The following RAPGEF2 variants were observed in gnomAD, a reference collection of about 807,000 sequenced individuals.
RAPGEF2 encodes the protein PDZ domain containing guanine nucleotide exchange factor (GEF) 1.
Under a neutral mutation model 186.7 loss-of-function variants are expected in RAPGEF2, and 54 were observed. The observed-to-expected ratio is 0.29, with a 90% CI of 0.23 to 0.36. RAPGEF2 has a LOEUF of 0.36. Ranked by LOEUF, RAPGEF2 falls within the 10% of genes least tolerant of loss-of-function variation. The pLI is 1.00. For missense variants in RAPGEF2, 1,532 were observed against 2,045.0 expected, an observed-to-expected ratio of 0.75 and a Z score of 4.84; for synonymous variants, 712 against 705.9, an observed-to-expected ratio of 1.01 and a Z score of -0.14.
At chr4:159,191,417 G>GA (rs1490883816) in intron 2 of RAPGEF2, among the ~76,000 whole-genome samples, 9 of 151,980 alleles carry the variant, frequency 5.9e-5, no homozygotes, top group South Asian at 2.1e-4. Flanking sequence ...GAGGAGTGGG[G>GA]AAAGGGGTGA....
At chr4:159,281,013 G>T (rs1182434986) in intron 7 of RAPGEF2, among the ~76,000 whole-genome samples, 2 of 149,866 alleles carry the variant, frequency 1.3e-5, no homozygotes, top group Non-Finnish European at 1.5e-5. Flanking sequence ...CTGAGACGGA[G>T]TCTCGGTCTG....
intron 26 of RAPGEF2, chr4:159,351,311 T>G: frequency 2.8e-6 from 3 of 1,053,856 alleles, no homozygotes; most frequent in Middle Eastern, 3.1e-4. Flanking sequence ...ACTTTTTTTT[T>G]TTTAAGCAGA....
intron 7 of RAPGEF2, among the ~76,000 whole-genome samples, chr4:159,250,695 GTC>G (rs1755219789): frequency 7.3e-6 from 1 of 137,482 alleles, no homozygotes; most frequent in South Asian, 2.2e-4. Flanking sequence ...TTGGGACAGG[GTC>G]TCTTGCTCTG....
chr4:159,173,733 C>A (rs958283683), intron 1 of RAPGEF2, among the ~76,000 whole-genome samples: 2 of 152,046 alleles, frequency 1.3e-5, no homozygotes, highest in Non-Finnish European at 2.9e-5. Flanking sequence ...TGCCTCTGTT[C>A]TCTGTGTGTA....
intron 1 of RAPGEF2, among the ~76,000 whole-genome samples, chr4:159,121,627 C>T (rs2111096853): frequency 6.6e-6 from 1 of 151,928 alleles, no homozygotes; most frequent in South Asian, 2.1e-4. Flanking sequence ...CCTTGGCCTC[C>T]CAAAGTGTTG....
chr4:159,155,769 CT>C (rs369222826), intron 1 of RAPGEF2, among the ~76,000 whole-genome samples: 19,673 of 143,956 alleles, frequency 0.14, 2,504 homozygotes, highest in African/African-American at 0.34. Context: ...ACAATGCACT[CT>C]TTTTTTTTTT....
chr4:159,180,035 G>A lies in RAPGEF2; in HGVS notation c.70-6607G>A, dbSNP rs572849514. 1.4e-4 allele frequency among the ~76,000 whole-genome samples: 22 copies of A among 152,288 alleles called. No individual in the cohort carries two copies. The East Asian group carries it at 3.7e-3, about 25-fold the overall frequency. On this transcript the variant is annotated intron_variant, in intron 1 of 29. Coordinates refer to ENST00000691494, the MANE Select transcript of RAPGEF2 (RefSeq NM_001394067.2). ...AATGTGAGGTCTCGACACCTGGTGA[G>A]AAGGTAGAAAAAATTGATAGGAAGA...
At chr4:159,253,030 G>C (rs907386777) in intron 7 of RAPGEF2, among the ~76,000 whole-genome samples, 2 of 152,272 alleles carry the variant, frequency 1.3e-5, no homozygotes, top group African/African-American at 4.8e-5. Flanking sequence ...TGGTCTAATA[G>C]ACAGTTGGGT....
chr4:159,254,200 G>T (rs1318624367), intron 7 of RAPGEF2, among the ~76,000 whole-genome samples: 1 of 152,190 alleles, frequency 6.6e-6, no homozygotes, highest in Admixed American at 6.5e-5. Flanking sequence ...TGGTGGTAAA[G>T]AATACAAGGA....
At chr4:159,253,569 C>T (rs1179738208) in intron 7 of RAPGEF2, among the ~76,000 whole-genome samples, 1 of 152,054 alleles carries the variant, frequency 6.6e-6, no homozygotes, top group Non-Finnish European at 1.5e-5. Flanking sequence ...ATCTGTTTTT[C>T]TTCAAATGAC....
chr4:159,267,049 G>C, intron 7 of RAPGEF2: 1 of 629,114 alleles, frequency 1.6e-6, no homozygotes, highest in Non-Finnish European at 2.3e-6. Flanking sequence ...TAAGGAATGT[G>C]TGTACCATTT....
At chr4:159,276,447 A>T (rs1020943637) in intron 7 of RAPGEF2, among the ~76,000 whole-genome samples, 1 of 152,214 alleles carries the variant, frequency 6.6e-6, no homozygotes, top group Non-Finnish European at 1.5e-5. Flanking sequence ...CATTTACCTA[A>T]ATATAAAAAT....
intron 7 of RAPGEF2, among the ~76,000 whole-genome samples, chr4:159,253,148 G>A (rs1755669313): frequency 6.6e-6 from 1 of 152,188 alleles, no homozygotes; most frequent in African/African-American, 2.4e-5. Flanking sequence ...AAAGGGAAGA[G>A]TATTTTAACA....
At position 159,356,794 on chromosome 4, in the gene RAPGEF2, G is replaced by A. The variant is rs537646961; in HGVS notation, c.4957+636G>A. 1.5e-3 allele frequency among the ~76,000 whole-genome samples: 226 copies of A among 152,194 alleles called. 1 individual carries two copies. The highest frequency in any genetic ancestry group is 5.2e-3 in the African/African-American group (216 of 41,516). On this transcript the variant is annotated intron_variant, in intron 29 of 29. Transcript: ENST00000691494. ...CAGGCACCTGTAATCCCAGCTGCTCGGGAGGCTGAGGCAGGAGAACCACTT... is the reference window on the plus strand; with the variant it reads ...CAGGCACCTGTAATCCCAGCTGCTCAGGAGGCTGAGGCAGGAGAACCACTT...
chr4:159,130,898 C>T (rs907686599), intron 1 of RAPGEF2, among the ~76,000 whole-genome samples: 10 of 151,938 alleles, frequency 6.6e-5, no homozygotes, highest in African/African-American at 2.4e-4. Flanking sequence ...TTTGTAGAGA[C>T]GGGGTTTCAC....
At chr4:159,202,653 G>A (rs1232800538) in intron 3 of RAPGEF2, among the ~76,000 whole-genome samples, 2 of 152,156 alleles carry the variant, frequency 1.3e-5, no homozygotes, top group Non-Finnish European at 2.9e-5. Flanking sequence ...CCAGGCTGGA[G>A]TGCAGTGGCA....
intron 26 of RAPGEF2, chr4:159,350,910 G>A: frequency 1.0e-6 from 1 of 956,222 alleles, no homozygotes; most frequent in Non-Finnish European, 1.5e-6. Flanking sequence ...AAGCCAAAAG[G>A]GCTTAATACA....
chr4:159,315,310 T>A (rs28661448), intron 9 of RAPGEF2, among the ~76,000 whole-genome samples: 44,003 of 151,060 alleles, frequency 0.29, 8,341 homozygotes, highest in African/African-American at 0.54. Context: ...TTTTTTTTTT[T>A]AATTTTTATT....
chr4:159,325,531 T>C (rs1483630511), intron 11 of RAPGEF2, among the ~76,000 whole-genome samples: 4 of 152,214 alleles, frequency 2.6e-5, no homozygotes, highest in Admixed American at 1.3e-4. Context: ...CCCTGAACCC[T>C]TCTACATAGT....
Sources: gnomAD v4.1 joint callset for allele counts (sites outside exome capture counted in the v4.1 genomes callset) on GRCh38, gnomAD v4.1.1 for gene constraint, MANE v1.5 for transcripts, NCBI Gene and HGNC (gene_info 2026-07-23, HGNC 2026-07-21) for gene names.